TTC7B: variants seen among roughly 807,000 people sequenced by gnomAD.
TTC7B encodes tetratricopeptide repeat domain 7B.
TTC7B carries 28 observed loss-of-function variants against 106.8 expected under a neutral mutation model. The ratio of observed to expected loss-of-function variants is 0.26; its 90% CI spans 0.19 to 0.36. TTC7B has a LOEUF of 0.36. Among genes scored for constraint, TTC7B ranks in the 10% least tolerant of loss-of-function variants. The pLI, the probability that TTC7B is intolerant of heterozygous loss-of-function variation, is 1.00. For missense variants in TTC7B, 862 were observed against 1,076.4 expected (o/e 0.80, Z 2.79); for synonymous variants, 405 against 430.6 (o/e 0.94, Z 0.74).
At chr14:90,680,205 G>A (rs1233514492) in intron 8 of TTC7B, among the ~76,000 whole-genome samples, 1 of 152,204 alleles carries the variant, frequency 6.6e-6, no homozygotes, top group Non-Finnish European at 1.5e-5. Context: ...AATACTGGGT[G>A]GATGAATGAA....
At position 90,532,189 on chromosome 14, in the gene TTC7B, T is replaced by C. The variant is rs1038673762; in HGVS notation, c.*9179A>G. 2 of 151,870 alleles carry C rather than the reference T, an allele frequency of 1.3e-5. No individual in the cohort carries two copies. Among genetic ancestry groups the C allele is most frequent in the African/African-American group, 2.4e-5 (1 of 41,308 alleles). The allele number at this position is 151,870 out of a possible 1,614,324, so 9.4% of individuals were successfully genotyped here. A position where few individuals can be genotyped will look rare whatever the true frequency, so the allele number is the denominator to read the frequency against. ...CTCAAGTAGAACAAAAACAAACAAA[T>C]AAAAACCAAAACTACATAAAACTAT... On this transcript the variant is annotated 3_prime_UTR_variant, in exon 20 of 20. Coordinates refer to ENST00000328459, the MANE Select transcript of TTC7B (RefSeq NM_001010854.2).
chr14:90,672,330 C>T (rs755984318), intron 9 of TTC7B, among the ~76,000 whole-genome samples: 16 of 152,186 alleles, frequency 1.1e-4, no homozygotes, highest in Non-Finnish European at 1.8e-4. Context: ...TACTCACACA[C>T]GAGCCACACG....
At chr14:90,571,197 A>G (rs1298633456) in intron 19 of TTC7B, among the ~76,000 whole-genome samples, 4 of 152,228 alleles carry the variant, frequency 2.6e-5, no homozygotes, top group Admixed American at 2.0e-4. Flanking sequence ...GAGAAAGGTA[A>G]TCCTTAAGCC....
intron 1 of TTC7B, among the ~76,000 whole-genome samples, chr14:90,804,546 G>A (rs1382876710): frequency 6.6e-6 from 1 of 152,174 alleles, no homozygotes; most frequent in Non-Finnish European, 1.5e-5. Context: ...AGGCGGAAAG[G>A]AGGCTCAGCA....
At chr14:90,711,675 GC>G (rs1336346440) in intron 5 of TTC7B, among the ~76,000 whole-genome samples, 6 of 152,294 alleles carry the variant, frequency 3.9e-5, no homozygotes, top group African/African-American at 1.4e-4. Context: ...ACCCGCCTTT[GC>G]CCCCCAAAGT....
intron 16 of TTC7B, among the ~76,000 whole-genome samples, chr14:90,616,838 T>C (rs1029475585): frequency 5.3e-5 from 8 of 152,208 alleles, no homozygotes; most frequent in Non-Finnish European, 1.2e-4. Context: ...CTCATTTATA[T>C]TTTAGGTGAC....
intron 1 of TTC7B, among the ~76,000 whole-genome samples, chr14:90,814,176 C>T (rs1420821198): frequency 3.3e-5 from 5 of 152,216 alleles, no homozygotes. Flanking sequence ...CCCCAAGCCC[C>T]ACTCATGACT....
At chr14:90,758,754 C>A (rs180780528) in intron 3 of TTC7B, among the ~76,000 whole-genome samples, 1 of 152,270 alleles carries the variant, frequency 6.6e-6, no homozygotes, top group East Asian at 1.9e-4. Flanking sequence ...CTCCTTCAGT[C>A]CGGACTCGGC....
At chr14:90,645,507 A>C (rs1408548681) in intron 14 of TTC7B, among the ~76,000 whole-genome samples, 1 of 152,206 alleles carries the variant, frequency 6.6e-6, no homozygotes, top group Non-Finnish European at 1.5e-5. Context: ...CTGGGGAAGC[A>C]GGGAAACACT....
chr14:90,710,930 G>GGTT, intron 5 of TTC7B, among the ~76,000 whole-genome samples: 2 of 151,652 alleles, frequency 1.3e-5, no homozygotes, highest in Non-Finnish European at 2.9e-5. Flanking sequence ...CTCTGAGGTA[G>GGTT]GTATTCAAAC....
chr14:90,645,492 C>G (rs1885403561), intron 14 of TTC7B, among the ~76,000 whole-genome samples: 1 of 152,202 alleles, frequency 6.6e-6, no homozygotes, highest in Admixed American at 6.5e-5. Context: ...GTCAAACCCC[C>G]TCCCCTGGGG....
intron 15 of TTC7B, among the ~76,000 whole-genome samples, chr14:90,629,275 T>A (rs150232226): frequency 6.6e-6 from 1 of 152,244 alleles, no homozygotes; most frequent in South Asian, 2.1e-4. Context: ...TAGTAAACTT[T>A]CCTTACTTTA....
chr14:90,537,372 A>ATGGG lies in TTC7B; in HGVS notation c.*3992_*3995dup, dbSNP rs1555372739. On this transcript the variant is annotated 3_prime_UTR_variant, in exon 20 of 20. Coordinates refer to ENST00000328459, the MANE Select transcript of TTC7B (RefSeq NM_001010854.2). ...TGGCTATTTTTTTTTTTTTGTAGAG[A>ATGGG]TGGGGGGGGGGTCTCACCATGTTGC... 1 of 31,354 alleles carries ATGGG rather than the reference A, an allele frequency of 3.2e-5. No individual in the cohort carries two copies. Among genetic ancestry groups the ATGGG allele is most frequent in the African/African-American group, 1.2e-4 (1 of 8,116 alleles). The allele number at this position is 31,354 out of a possible 1,614,324, so 1.9% of individuals were successfully genotyped here. A position where few individuals can be genotyped will look rare whatever the true frequency, so the allele number is the denominator to read the frequency against.
chr14:90,634,871 GT>G (rs1187914729), intron 15 of TTC7B, among the ~76,000 whole-genome samples: 1 of 152,176 alleles, frequency 6.6e-6, no homozygotes, highest in African/African-American at 2.4e-5. Context: ...TACCAATACA[GT>G]TTTAAACAGC....
At chr14:90,809,694 T>A (rs2030791611) in intron 1 of TTC7B, among the ~76,000 whole-genome samples, 1 of 152,246 alleles carries the variant, frequency 6.6e-6, no homozygotes, top group South Asian at 2.1e-4. Context: ...CTGTTCCAAC[T>A]GCTCATGAAA....
At chr14:90,740,104 C>T (rs1246941095) in intron 4 of TTC7B, among the ~76,000 whole-genome samples, 1 of 152,200 alleles carries the variant, frequency 6.6e-6, no homozygotes, top group East Asian at 1.9e-4. Flanking sequence ...TCGTAGGTGT[C>T]CCTGTGACTC....
In TTC7B at chr14:90,657,029, C is replaced by T. The variant is rs1885975379; in HGVS notation, c.1341+145G>A. On this transcript the variant is annotated intron_variant, in intron 11 of 19. Coordinates refer to ENST00000328459, the MANE Select transcript of TTC7B (RefSeq NM_001010854.2). This position sits in a 1 kb window ranked among gnomAD's most constrained non-coding sequence, Gnocchi z 4.2. ...GGCCTGAGGAGGCCAGGGGCCCAGGCCCAGGGTCCGTGGCTCTACACAGTC... is the reference window on the plus strand; with the variant it reads ...GGCCTGAGGAGGCCAGGGGCCCAGGTCCAGGGTCCGTGGCTCTACACAGTC... The T allele has an allele frequency of 5.8e-6, 4 of 688,836 alleles. No homozygotes were observed. Among genetic ancestry groups the T allele is most frequent in the Non-Finnish European group, 9.6e-6 (4 of 418,832 alleles). The allele number at this position is 688,836 out of a possible 1,614,324, so 42.7% of individuals were successfully genotyped here. A position where few individuals can be genotyped will look rare whatever the true frequency, so the allele number is the denominator to read the frequency against.
At position 90,577,369 on chromosome 14, in the gene TTC7B, T is replaced by C. The variant is rs1345422754; in HGVS notation, c.2310+737A>G. ...ACGTTCATAACGGACAGAACCCTCC[T>C]GAGCGAGCAGTGTCCCCACCTAACT... On this transcript the variant is annotated intron_variant, in intron 19 of 19. Transcript: ENST00000328459. The surrounding 1 kb of genome is among the most constrained non-coding windows in gnomAD (Gnocchi z 5.0). 6.6e-6 allele frequency among the ~76,000 whole-genome samples: 1 copy of C among 152,200 alleles called. No individual in the cohort carries two copies. Among genetic ancestry groups the C allele is most frequent in the Non-Finnish European group, 1.5e-5 (1 of 68,040 alleles).
At chr14:90,734,781 ATTAT>A (rs377597866) in intron 4 of TTC7B, among the ~76,000 whole-genome samples, 1 of 151,418 alleles carries the variant, frequency 6.6e-6, no homozygotes. Flanking sequence ...TATTTATTTT[ATTAT>A]TTATTTATTT....
Sources: gnomAD v4.1 joint callset for allele counts (sites outside exome capture counted in the v4.1 genomes callset) on GRCh38, gnomAD v4.1.1 for gene constraint, Gnocchi (gnomAD v3.1) non-coding constraint, MANE v1.5 for transcripts, NCBI Gene and HGNC (gene_info 2026-07-23, HGNC 2026-07-21) for gene names.